The following ZRANB3 variants were observed in gnomAD, a reference collection of about 807,000 sequenced individuals.
ZRANB3 encodes the protein DNA annealing helicase and endonuclease ZRANB3.
In ZRANB3, 125 loss-of-function variants were observed where a neutral mutation model predicts 133.8. The ratio of observed to expected loss-of-function variants is 0.93; its 90% CI spans 0.81 to 1.08. ZRANB3 has a LOEUF of 1.08. Ranked by LOEUF, ZRANB3 falls within the 50% of genes least tolerant of loss-of-function variation. The probability of loss-of-function intolerance (pLI) is 0.00; values close to 1 mark genes in which losing one functional copy is unlikely to be tolerated. For synonymous variants in ZRANB3, 387 were observed against 432.7 expected (o/e 0.89, Z 1.31); for missense variants, 1,229 against 1,275.5 (o/e 0.96, Z 0.56).
chr2:135,201,645 A>C (rs1693630801), intron 20 of ZRANB3, among the ~76,000 whole-genome samples: 1 of 150,814 alleles, frequency 6.6e-6, no homozygotes. Flanking sequence ...AGCCTGGGTG[A>C]CAGAGCAAGA....
Position 135,207,617 on chromosome 2 carries a change from T to C in ZRANB3, c.2826A>G (p.Glu942=). ...DSRFCSLKCQ[E]EFWIRSNNSY... is the part of the protein sequence containing the mutation. ...TGTTATTAGATCGAATCCAAAACTC[T>C]TCCTGACATTTCAGAGAGCAAAACC... Residue 942 remains glutamate (E), a synonymous_variant, in exon 19 of 21, where the codon GAA becomes GAG. Coordinates refer to ENST00000264159, the MANE Select transcript of ZRANB3 (RefSeq NM_032143.4). The C allele has an allele frequency of 6.2e-7, 1 of 1,614,038 alleles. No homozygotes were observed. The highest frequency in any genetic ancestry group is 1.1e-5 in the South Asian group (1 of 91,088).
chr2:135,304,589 A>AT (rs980184614), intron 8 of ZRANB3, among the ~76,000 whole-genome samples: 15 of 152,156 alleles, frequency 9.9e-5, no homozygotes, highest in African/African-American at 3.6e-4. Context: ...TTTCTCTTTC[A>AT]TTTCCTAAGA....
At chr2:135,455,585 TTTTC>T (rs1690475973) in intron 2 of ZRANB3, among the ~76,000 whole-genome samples, 1 of 150,848 alleles carries the variant, frequency 6.6e-6, no homozygotes, top group African/African-American at 2.4e-5. Flanking sequence ...CTATTGATTT[TTTTC>T]TTTTTTTTTT....
At chr2:135,206,986 G>A (rs1693889854) in intron 19 of ZRANB3, among the ~76,000 whole-genome samples, 1 of 151,980 alleles carries the variant, frequency 6.6e-6, no homozygotes, top group South Asian at 2.1e-4. Flanking sequence ...CCAATATGGT[G>A]AAATCCCGTC....
At chr2:135,335,110 C>A (rs1038575825) in intron 6 of ZRANB3, among the ~76,000 whole-genome samples, 6 of 151,862 alleles carry the variant, frequency 4.0e-5, no homozygotes, top group African/African-American at 1.5e-4. Flanking sequence ...CTGACAATGA[C>A]CCATTAATTA....
intron 9 of ZRANB3, 117 bp downstream of exon 9, chr2:135,275,519 T>G: frequency 1.4e-6 from 1 of 740,282 alleles, no homozygotes; most frequent in Non-Finnish European, 1.9e-6. Flanking sequence ...GTGTGATAAT[T>G]TATATACCAT....
At chr2:135,226,589 T>A (rs1445219816) in intron 14 of ZRANB3, among the ~76,000 whole-genome samples, 1 of 152,206 alleles carries the variant, frequency 6.6e-6, no homozygotes, top group African/African-American at 2.4e-5. Context: ...AACTTCAAAG[T>A]GATTTTTAAA....
chr2:135,522,724 A>C (rs1559053699), intron 1 of ZRANB3, among the ~76,000 whole-genome samples: 3 of 151,864 alleles, frequency 2.0e-5, no homozygotes, highest in Admixed American at 2.0e-4. Context: ...AAAGAAAAAG[A>C]AAAAAAAAGT....
At chr2:135,410,358 C>T (rs1047115527) in intron 2 of ZRANB3, among the ~76,000 whole-genome samples, 21 of 152,132 alleles carry the variant, frequency 1.4e-4, no homozygotes, top group Non-Finnish European at 2.4e-4. Context: ...TAATCTTTGA[C>T]AAAGCTGACA....
intron 14 of ZRANB3, among the ~76,000 whole-genome samples, chr2:135,226,206 T>C (rs1331402839): frequency 2.0e-5 from 3 of 152,210 alleles, no homozygotes; most frequent in Non-Finnish European, 4.4e-5. Context: ...AGGGAACATA[T>C]TTCTCTTTTC....
chr2:135,401,464 C>A (rs1038552931), intron 2 of ZRANB3, among the ~76,000 whole-genome samples: 2 of 152,140 alleles, frequency 1.3e-5, no homozygotes, highest in African/African-American at 4.8e-5. Flanking sequence ...TTCTCCCCTT[C>A]CCCCTCACAA....
Position 135,227,943 on chromosome 2 carries a change from T to C in ZRANB3, c.2027A>G (p.Lys676Arg), listed in dbSNP as rs1290182771. The change falls in exon 14 of 21, where the codon AAA becomes AGA. Residue 676 changes from lysine (K) to arginine (R), a missense_variant. Lys to Arg is a conservative substitution (Grantham distance 26). Transcript: ENST00000264159. The part of the protein sequence containing the change: ...EKDDSQKDTS[K>R]KVQTISDCEK... ...ACAGTCTGAGATAGTTTGAACCTTT[T>C]TGGAGGTGTCTTTCTGAGAATCATC... 7.1e-6 allele frequency: 11 copies of C among 1,553,168 alleles called. No homozygotes were observed. Among genetic ancestry groups the C allele is most frequent in the East Asian group, 4.9e-5 (2 of 41,214 alleles).
chr2:135,525,659 C>A (rs1694123743), intron 1 of ZRANB3, among the ~76,000 whole-genome samples: 1 of 151,992 alleles, frequency 6.6e-6, no homozygotes, highest in South Asian at 2.1e-4. Flanking sequence ...ACCTGCCTGG[C>A]CAACATGGCG....
chr2:135,363,304 A>C (rs1685772211), intron 3 of ZRANB3, among the ~76,000 whole-genome samples: 1 of 152,146 alleles, frequency 6.6e-6, no homozygotes, highest in African/African-American at 2.4e-5. Flanking sequence ...AGTAGCTGGG[A>C]CTACAGGCAA....
chr2:135,281,172 A>G (rs1312040419), intron 8 of ZRANB3, among the ~76,000 whole-genome samples: 1 of 152,174 alleles, frequency 6.6e-6, no homozygotes, highest in Non-Finnish European at 1.5e-5. Context: ...CCTCTACTGC[A>G]ATAGTCTTGA....
chr2:135,524,948 T>C (rs1209899371), intron 1 of ZRANB3, among the ~76,000 whole-genome samples: 2 of 152,070 alleles, frequency 1.3e-5, no homozygotes, highest in African/African-American at 2.4e-5. Flanking sequence ...TAATTAGATA[T>C]ATAATTTTTT....
intron 8 of ZRANB3, among the ~76,000 whole-genome samples, chr2:135,283,261 G>A (rs554460935): frequency 6.6e-6 from 1 of 151,114 alleles, no homozygotes; most frequent in South Asian, 2.1e-4. Flanking sequence ...CTCCAGCCTG[G>A]GTGACAGAGT....
intron 5 of ZRANB3, among the ~76,000 whole-genome samples, chr2:135,349,526 C>T (rs911854497): frequency 5.9e-5 from 9 of 152,092 alleles, no homozygotes; most frequent in African/African-American, 9.7e-5. Flanking sequence ...CTGGTCTGCA[C>T]GTAAGTTTTA....
chr2:135,343,948 G>T (rs992762305), intron 6 of ZRANB3, among the ~76,000 whole-genome samples: 14 of 151,918 alleles, frequency 9.2e-5, no homozygotes, highest in Non-Finnish European at 1.8e-4. Context: ...ACCTTCCGTG[G>T]AGTATGATTT....
Sources: gnomAD v4.1 joint callset for allele counts (sites outside exome capture counted in the v4.1 genomes callset) on GRCh38, gnomAD v4.1.1 for gene constraint, MANE v1.5 for transcripts, NCBI Gene and HGNC (gene_info 2026-07-23, HGNC 2026-07-21) for gene names.